Variants in NASP observed in about 807,000 individuals in gnomAD.
The protein encoded by NASP is NASP histone chaperone.
Under a neutral mutation model 89.5 loss-of-function variants are expected in NASP, and 24 were observed. The observed-to-expected ratio is 0.27, with a 90% CI of 0.19 to 0.38. The LOEUF (loss-of-function observed/expected upper bound fraction) is 0.38. Among genes scored for constraint, NASP ranks in the 10% least tolerant of loss-of-function variants. The pLI is 1.00. For missense variants in NASP, 848 were observed against 921.4 expected, an observed-to-expected ratio of 0.92 and a Z score of 1.03; for synonymous variants, 306 against 324.7, an observed-to-expected ratio of 0.94 and a Z score of 0.62.
rs762693868 is a variant in NASP, at chr1:45,618,291, T to A, written c.*150T>A. Reference sequence around the variant, plus strand: ...TTTTTTCTTAATTATTGGCTGAATCTGCCTTGGAGCACTGCTGGTTTTATA... The same window carrying A: ...TTTTTTCTTAATTATTGGCTGAATCAGCCTTGGAGCACTGCTGGTTTTATA... On this transcript the variant is annotated 3_prime_UTR_variant, in exon 15 of 15. Coordinates refer to ENST00000350030, the MANE Select transcript of NASP (RefSeq NM_002482.4). The A allele has an allele frequency of 3.1e-6, 2 of 638,646 alleles. No individual in the cohort carries two copies. The highest frequency in any genetic ancestry group is 5.4e-6 in the Non-Finnish European group (2 of 370,566). The allele number at this position is 638,646 out of a possible 1,614,324, so 39.6% of individuals were successfully genotyped here. A position where few individuals can be genotyped will look rare whatever the true frequency, so the allele number is the denominator to read the frequency against.
intron 4 of NASP, among the ~76,000 whole-genome samples, chr1:45,606,218 G>A (rs760834723): frequency 3.9e-5 from 6 of 152,220 alleles, no homozygotes; most frequent in Non-Finnish European, 5.9e-5. Flanking sequence ...CAAATGGAAT[G>A]CATATAGGTC....
intron 1 of NASP, among the ~76,000 whole-genome samples, chr1:45,586,325 AC>A (rs1644549551): frequency 1.4e-5 from 2 of 141,418 alleles, no homozygotes; most frequent in Non-Finnish European, 3.0e-5. Flanking sequence ...TGTGTGTGTC[AC>A]CCAGGCTGGA....
At chr1:45,617,980 C>T (rs532516130) in intron 14 of NASP, 81 bp from the exon 15 acceptor site, 5 of 1,271,042 alleles carry the variant, frequency 3.9e-6, no homozygotes, top group Non-Finnish European at 5.6e-6. Flanking sequence ...GTATATGCTT[C>T]CTATGACTGA....
Position 45,602,260 on chromosome 1 carries a change from A to T in NASP, c.113A>T (p.Asp38Val). 2 of 1,612,990 alleles carry T rather than the reference A, an allele frequency of 1.2e-6. No homozygotes were observed. The highest frequency in any genetic ancestry group is 1.7e-6 in the Non-Finnish European group (2 of 1,179,372). Residue 38 changes from aspartate (D) to valine (V), a missense_variant, in exon 3 of 15, where the codon GAT becomes GTT. Asp to Val is a radical substitution (Grantham distance 152). This residue lies in a region of NASP where 89 missense variants were observed against 79.2 expected (regional missense o/e 1.12). Transcript: ENST00000350030. ...AAAAAATCTTTTTTTTGCAGTCTGG[A>T]TGTGGATAGTGAAGCTAAGAAACTA... ...STSADKVESLDVDSEAKKLLG... is the reference protein window; with the variant it reads ...STSADKVESLVVDSEAKKLLG...
At chr1:45,616,288 C>T (rs2253862) in intron 11 of NASP, 49 bp from the exon 12 acceptor site, 1,094,943 of 1,548,046 alleles carry the variant, frequency 0.71, 388,125 homozygotes, top group African/African-American at 0.76. Context: ...AGGCTGTGGG[C>T]GGCCTGGGTT....
At chr1:45,617,345 A>C (rs1644123984) in intron 13 of NASP, 118 bp from the exon 14 acceptor site, 3 of 1,206,774 alleles carry the variant, frequency 2.5e-6, no homozygotes, top group Non-Finnish European at 3.5e-6. Context: ...AGAGACCCTT[A>C]GAGCTGTGAA....
At chr1:45,595,783 TATTA>T (rs1303851672) in intron 2 of NASP, among the ~76,000 whole-genome samples, 1 of 152,222 alleles carries the variant, frequency 6.6e-6, no homozygotes. Flanking sequence ...AACTGAAGTT[TATTA>T]ATTCTCAGTC....
intron 2 of NASP, 131 bp downstream of exon 2, chr1:45,591,401 C>A: frequency 1.6e-6 from 1 of 638,388 alleles, no homozygotes; most frequent in Non-Finnish European, 2.6e-6. Context: ...GTTGCTCAGG[C>A]CGAAGTGCAG....
rs779995067 is a variant in NASP, at chr1:45,615,305, C to G, written c.1856C>G (p.Ala619Gly). Residue 619 changes from alanine (A) to glycine (G), a missense_variant and splice_region_variant, in exon 11 of 15, where the codon GCT becomes GGT. Physicochemically the swap from Ala to Gly is moderately conservative, Grantham distance 60. Around this residue, in one of 5 missense-constraint regions of NASP, gnomAD observed 218 missense variants for 219.6 expected, o/e 0.99. Transcript: ENST00000350030. The stretch of plus-strand genomic sequence containing the variant: ...TTACTAATCACTTTATTCTTTTTAG[C>G]TGTACTAAACGAGCAGGTGAAGGAG... Reference protein sequence around the residue: ...KSIEVIENRMAVLNEQVKEAE... With the variant: ...KSIEVIENRMGVLNEQVKEAE... The G allele has an allele frequency of 1.9e-6, 3 of 1,613,220 alleles. No individual in the cohort carries two copies. The highest frequency in any genetic ancestry group is 2.7e-5 in the African/African-American group (2 of 74,886).
At chr1:45,601,745 AT>A (rs71056316) in intron 2 of NASP, among the ~76,000 whole-genome samples, 818 of 68,852 alleles carry the variant, frequency 0.012, no homozygotes, top group African/African-American at 0.046. Context: ...CGTTAAGAGA[AT>A]TTTTTTTTTT....
chr1:45,588,102 T>C (rs1644583970), intron 1 of NASP, among the ~76,000 whole-genome samples: 1 of 149,406 alleles, frequency 6.7e-6, no homozygotes, highest in Non-Finnish European at 1.5e-5. Flanking sequence ...CAGCCAGGCG[T>C]GGTTGCGCAT....
chr1:45,584,212 G>A lies in NASP; in HGVS notation c.59+7G>A. On this transcript the variant is annotated splice_region_variant and intron_variant, in intron 1 of 14. Transcript: ENST00000350030. ...AGCTGGTTTCTGCCGACAAGTAAGC[G>A]GGACTGTGGAAAGCTTAAGGCACTG... is the stretch of plus-strand genomic sequence containing the variant. 1 of 1,581,622 alleles carries A rather than the reference G, an allele frequency of 6.3e-7. No individual in the cohort carries two copies. Among genetic ancestry groups the A allele is most frequent in the Non-Finnish European group, 8.6e-7 (1 of 1,163,468 alleles).
At position 45,608,076 on chromosome 1, in the gene NASP, C is replaced by T; in HGVS notation, c.1165C>T (p.Gln389Ter). The T allele has an allele frequency of 6.2e-7, 1 of 1,613,998 alleles. No homozygotes were observed. Among genetic ancestry groups the T allele is most frequent in the Non-Finnish European group, 8.5e-7 (1 of 1,179,884 alleles). Residue 389 changes from glutamine to a stop codon, truncating the protein, a stop_gained, in exon 6 of 15, where the codon CAG becomes TAG. Transcript: ENST00000350030. LOFTEE classifies it high-confidence loss of function. ...CAATGGACCGTCAGTTGTAGGAGAT[C>T]AGACTCCTATTGAACCACAGACTTC... ...AVNGPSVVGD[Q>*]TPIEPQTSIE...
intron 3 of NASP, among the ~76,000 whole-genome samples, chr1:45,603,319 A>G (rs1643874280): frequency 6.6e-6 from 1 of 152,252 alleles, no homozygotes; most frequent in African/African-American, 2.4e-5. Context: ...AAGGTCAATC[A>G]TTGCATACAT....
chr1:45,593,532 C>CT, intron 2 of NASP, among the ~76,000 whole-genome samples: 1 of 144,552 alleles, frequency 6.9e-6, no homozygotes, highest in Non-Finnish European at 1.5e-5. Flanking sequence ...GACTGTCCCC[C>CT]CCCAAAAAAA....
intron 2 of NASP, among the ~76,000 whole-genome samples, chr1:45,598,155 A>G (rs1643744782): frequency 6.8e-6 from 1 of 146,182 alleles, no homozygotes; most frequent in Non-Finnish European, 1.5e-5. Flanking sequence ...ATTTGACCCA[A>G]TCCATTACTC....
chr1:45,586,266 GT>G lies in NASP; in HGVS notation c.59+2062del, dbSNP rs59329556. On this transcript the variant is annotated intron_variant, in intron 1 of 14. Coordinates refer to ENST00000350030, the MANE Select transcript of NASP (RefSeq NM_002482.4). ...TGTGTGTGTGTGTGTGTGTGTGTGT[GT>G]GTGTGTGTGTGTGTGTGGTGTGTGT... 8.5e-4 allele frequency among the ~76,000 whole-genome samples: 52 copies of G among 61,356 alleles called. 1 individual carries two copies. The Middle Eastern group carries it at 0.019, about 22-fold the overall frequency. The allele number at this position is 61,356 out of a possible 152,430, so 40.3% of individuals were successfully genotyped here.
In NASP at chr1:45,607,466, T is replaced by C; in HGVS notation, c.555T>C (p.Asp185=). 1.2e-6 allele frequency: 2 copies of C among 1,613,642 alleles called. No homozygotes were observed. The highest frequency in any genetic ancestry group is 1.1e-5 in the South Asian group (1 of 91,046). ...AAATGGAGAAGGGTGGAAGAGAAGATATGGATATAAGTAAATCTGCAGAGG... is the reference window on the plus strand; with the variant it reads ...AAATGGAGAAGGGTGGAAGAGAAGACATGGATATAAGTAAATCTGCAGAGG... ...DSEMEKGGRE[D]MDISKSAEEP... Residue 185 remains aspartate, a synonymous_variant, in exon 6 of 15, where the codon GAT becomes GAC. Coordinates refer to ENST00000350030, the MANE Select transcript of NASP (RefSeq NM_002482.4).
At chr1:45,614,935 A>T in intron 9 of NASP, 78 bp from the exon 10 acceptor site, 1 of 1,249,776 alleles carries the variant, frequency 8.0e-7, no homozygotes, top group Non-Finnish European at 1.1e-6. Context: ...GTGCATTCCC[A>T]TAGGATGGGT....
Sources: allele counts gnomAD v4.1 joint callset (sites outside exome capture counted in the v4.1 genomes callset), GRCh38; gene constraint gnomAD v4.1.1; regional missense constraint gnomAD v4.1.1; transcripts MANE v1.5; gene names NCBI Gene and HGNC (gene_info 2026-07-23, HGNC 2026-07-21).